PCDH9: variants seen among roughly 807,000 people sequenced by gnomAD.
The protein encoded by PCDH9 is protocadherin 9.
PCDH9 carries 24 observed loss-of-function variants against 70.6 expected under a neutral mutation model. That is an observed-to-expected ratio of 0.34 (90% confidence interval 0.25 to 0.48). The LOEUF (loss-of-function observed/expected upper bound fraction) is 0.48, where lower values mean the gene tolerates loss of function less well. Ranked by LOEUF, PCDH9 falls within the 20% of genes least tolerant of loss-of-function variation. The pLI, the probability that PCDH9 is intolerant of heterozygous loss-of-function variation, is 0.99. For missense variants in PCDH9, 1,281 were observed against 1,503.6 expected, an observed-to-expected ratio of 0.85 and a Z score of 2.45; for synonymous variants, 562 against 558.5, an observed-to-expected ratio of 1.01 and a Z score of -0.09.
chr13:66,505,658 C>T (rs1594078545), intron 4 of PCDH9, among the ~76,000 whole-genome samples: 1 of 151,662 alleles, frequency 6.6e-6, no homozygotes, highest in South Asian at 2.1e-4. Flanking sequence ...TAGGGGAACT[C>T]CCCTTTATAA....
chr13:66,916,325 A>G (rs1000989627), intron 2 of PCDH9, among the ~76,000 whole-genome samples: 14 of 151,626 alleles, frequency 9.2e-5, no homozygotes, highest in South Asian at 2.1e-4. Context: ...AATAGACTAG[A>G]TTTAGACCAC....
intron 3 of PCDH9, among the ~76,000 whole-genome samples, chr13:66,682,330 G>A (rs1014541534): frequency 2.6e-5 from 4 of 151,448 alleles, no homozygotes; most frequent in African/African-American, 7.3e-5. Flanking sequence ...GTGACCTATC[G>A]CTATGCCTGT....
At chr13:67,221,764 C>T (rs997683455) in intron 2 of PCDH9, 2 of 152,078 alleles carry the variant, frequency 1.3e-5, no homozygotes, top group African/African-American at 4.8e-5. Context: ...GGTTGGGAAA[C>T]AGCAATAAAC....
intron 3 of PCDH9, among the ~76,000 whole-genome samples, chr13:66,683,527 A>G (rs1254460160): frequency 6.6e-6 from 1 of 152,204 alleles, no homozygotes; most frequent in Non-Finnish European, 1.5e-5. Flanking sequence ...ATATCTTGAC[A>G]GCAACAGCTA....
intron 4 of PCDH9, among the ~76,000 whole-genome samples, chr13:66,558,882 A>G (rs1961866376): frequency 6.6e-6 from 1 of 152,156 alleles, no homozygotes; most frequent in Non-Finnish European, 1.5e-5. Flanking sequence ...TTCAGTTGTA[A>G]TTAAGGGAAC....
At chr13:66,555,061 T>G (rs375599987) in intron 4 of PCDH9, among the ~76,000 whole-genome samples, 1 of 151,898 alleles carries the variant, frequency 6.6e-6, no homozygotes, top group Non-Finnish European at 1.5e-5. Context: ...CCCAGCTACT[T>G]GGGAGGCTGA....
intron 2 of PCDH9, among the ~76,000 whole-genome samples, chr13:67,051,565 T>A (rs569716851): frequency 2.0e-4 from 30 of 151,918 alleles, no homozygotes; most frequent in Admixed American, 1.8e-3. Flanking sequence ...GCTAATTTTT[T>A]GTATTTTTAG....
At chr13:67,073,902 C>T (rs969264052) in intron 2 of PCDH9, among the ~76,000 whole-genome samples, 1 of 151,944 alleles carries the variant, frequency 6.6e-6, no homozygotes, top group South Asian at 2.1e-4. Context: ...TCTTAAATTG[C>T]TTTAAGAGGT....
chr13:67,102,534 G>GA (rs140629908), intron 2 of PCDH9, among the ~76,000 whole-genome samples: 66 of 149,652 alleles, frequency 4.4e-4, no homozygotes, highest in African/African-American at 8.1e-4. Flanking sequence ...CTTTCAAATA[G>GA]AAAAAAAAAC....
intron 3 of PCDH9, among the ~76,000 whole-genome samples, chr13:66,727,400 A>G (rs1281966161): frequency 6.6e-6 from 1 of 152,210 alleles, no homozygotes; most frequent in Non-Finnish European, 1.5e-5. Flanking sequence ...ATGAAATTTA[A>G]GCCCCATTGT....
chr13:67,123,518 T>G (rs561090809), intron 2 of PCDH9, among the ~76,000 whole-genome samples: 1 of 152,338 alleles, frequency 6.6e-6, no homozygotes, highest in Non-Finnish European at 1.5e-5. Context: ...AAAGACTTCA[T>G]TTGATTTTCT....
At chr13:66,986,497 T>C (rs973604334) in intron 2 of PCDH9, among the ~76,000 whole-genome samples, 4 of 152,046 alleles carry the variant, frequency 2.6e-5, no homozygotes, top group African/African-American at 9.7e-5. Flanking sequence ...TGGAATTCAG[T>C]ATAACTTGAA....
At chr13:67,192,030 T>C (rs1166768957) in intron 2 of PCDH9, among the ~76,000 whole-genome samples, 1 of 151,626 alleles carries the variant, frequency 6.6e-6, no homozygotes, top group African/African-American at 2.4e-5. Flanking sequence ...GTTGTACAAG[T>C]GTAATTTGTC....
chr13:67,035,951 A>T (rs899996193), intron 2 of PCDH9, among the ~76,000 whole-genome samples: 6 of 152,174 alleles, frequency 3.9e-5, no homozygotes, highest in African/African-American at 1.2e-4. Flanking sequence ...ACAAAAGCAG[A>T]TCATTCAAGC....
rs577047094 is a variant in PCDH9, at chr13:66,316,895, G to A, written c.3341-11867C>T. On this transcript the variant is annotated intron_variant, in intron 4 of 4. Coordinates refer to ENST00000377865, the MANE Select transcript of PCDH9 (RefSeq NM_203487.3). ...GCACAACAACGCCTGGCTAATTTTT[G>A]TATTTTTAGTAGAGATGGGGTTTCG... is the stretch of plus-strand genomic sequence containing the variant. Among the ~76,000 whole-genome samples the A allele has an allele frequency of 4.6e-5, 7 of 152,138 alleles. No homozygotes were observed. The South Asian group carries it at 1.5e-3, about 32-fold the overall frequency.
At chr13:66,391,125 AT>A (rs1957009895) in intron 4 of PCDH9, among the ~76,000 whole-genome samples, 1 of 152,174 alleles carries the variant, frequency 6.6e-6, no homozygotes, top group Non-Finnish European at 1.5e-5. Flanking sequence ...TCTGTTACTG[AT>A]TAATTCTTTT....
At chr13:66,658,200 G>A (rs1015128043) in intron 3 of PCDH9, among the ~76,000 whole-genome samples, 7 of 152,040 alleles carry the variant, frequency 4.6e-5, no homozygotes, top group Non-Finnish European at 7.4e-5. Context: ...TTGGTTGTTT[G>A]AATTTTTTGT....
intron 2 of PCDH9, among the ~76,000 whole-genome samples, chr13:66,955,771 TG>T (rs2083257362): frequency 6.6e-6 from 1 of 152,142 alleles, no homozygotes; most frequent in Admixed American, 6.6e-5. Flanking sequence ...GCGTTTGTTA[TG>T]GGAATGACAA....
At chr13:66,736,120 A>G (rs2079145051) in intron 3 of PCDH9, among the ~76,000 whole-genome samples, 4 of 152,180 alleles carry the variant, frequency 2.6e-5, no homozygotes, top group South Asian at 2.1e-4. Context: ...ACAGCATACT[A>G]TGATAATTAA....
Sources: gnomAD v4.1 joint callset for allele counts (sites outside exome capture counted in the v4.1 genomes callset) on GRCh38, gnomAD v4.1.1 for gene constraint, MANE v1.5 for transcripts, NCBI Gene and HGNC (gene_info 2026-07-23, HGNC 2026-07-21) for gene names.